The following PBRM1 variants were observed in gnomAD, a reference collection of about 807,000 sequenced individuals.
PBRM1 encodes the protein polybromo 1.
In PBRM1, 27 loss-of-function variants were observed where a neutral mutation model predicts 194.5. That is an observed-to-expected ratio of 0.14 (90% CI 0.10 to 0.19). The LOEUF (loss-of-function observed/expected upper bound fraction) is 0.19. Among genes scored for constraint, PBRM1 ranks in the 10% least tolerant of loss-of-function variants. PBRM1 has a pLI of 1.00. For synonymous variants in PBRM1, 655 were observed against 693.2 expected (o/e 0.94, Z 0.87); for missense variants, 1,466 against 2,077.2 (o/e 0.71, Z 5.72).
intron 25 of PBRM1, chr3:52,560,429 C>T (rs1475602268): frequency 6.6e-6 from 1 of 152,168 alleles, no homozygotes; most frequent in African/African-American, 2.4e-5. Context: ...TAGGGTTTTC[C>T]AAAGAATATT....
intron 16 of PBRM1, chr3:52,608,939 T>G (rs1173846398): frequency 5.3e-6 from 1 of 188,624 alleles, no homozygotes; most frequent in Non-Finnish European, 1.1e-5. Context: ...TAGAGCTATT[T>G]TATTTAAAGC....
rs1392544639 is a variant in PBRM1, at chr3:52,674,649, T to A, written c.236+3851A>T. Among the ~76,000 whole-genome samples, 959 of 134,910 alleles carry A rather than the reference T, an allele frequency of 7.1e-3. 13 individuals are homozygous for A. Among genetic ancestry groups the A allele is most frequent in the African/African-American group, 0.028 (923 of 32,790 alleles). 88.5% of individuals were successfully genotyped at this position (134,910 alleles called of 152,430 possible). Reference sequence around the variant, plus strand: ...TACCAAAAAAAAAAAAAAAAATATATATATATATATATATATACACACACA... The same window carrying A: ...TACCAAAAAAAAAAAAAAAAATATAAATATATATATATATATACACACACA... On this transcript the variant is annotated intron_variant, in intron 2 of 29. Coordinates refer to ENST00000296302, the Ensembl canonical transcript of PBRM1.
chr3:52,550,410 A>C lies in PBRM1; in HGVS notation c.4897+11T>G, dbSNP rs1183217331. ...TGTATTTCACAAAGGCTTATTTAGA[A>C]GGAATCTTACCTGCCAGTGTCTGAT... On this transcript the variant is annotated intron_variant, in intron 29 of 29. Transcript: ENST00000296302. The C allele has an allele frequency of 7.4e-7, 1 of 1,353,318 alleles. No homozygotes were observed. Among genetic ancestry groups the C allele is most frequent in the Non-Finnish European group, 9.7e-7 (1 of 1,035,800 alleles). 83.8% of individuals were successfully genotyped at this position (1,353,318 alleles called of 1,614,324 possible).
intron 4 of PBRM1, among the ~76,000 whole-genome samples, chr3:52,660,474 A>G (rs545475219): frequency 6.6e-6 from 1 of 152,008 alleles, no homozygotes; most frequent in African/African-American, 2.4e-5. Flanking sequence ...AACTACATGT[A>G]TATGTGTGTA....
At chr3:52,632,690 T>C (rs1194871507) in intron 11 of PBRM1, among the ~76,000 whole-genome samples, 1 of 151,388 alleles carries the variant, frequency 6.6e-6, no homozygotes, top group Non-Finnish European at 1.5e-5. Flanking sequence ...CTTGACCTTT[T>C]TTTTTTTTTT....
chr3:52,606,775 G>A (rs1288443292), intron 16 of PBRM1, among the ~76,000 whole-genome samples: 1 of 152,140 alleles, frequency 6.6e-6, no homozygotes, highest in Non-Finnish European at 1.5e-5. Context: ...CTTCCCACAG[G>A]TCTCTTTTAC....
intron 5 of PBRM1, among the ~76,000 whole-genome samples, chr3:52,653,669 C>T (rs531006242): frequency 6.6e-6 from 1 of 151,352 alleles, no homozygotes; most frequent in South Asian, 2.1e-4. Flanking sequence ...CCCTGCACTT[C>T]GGGAGGCCGA....
rs2084121803 is a variant in PBRM1, at chr3:52,563,204, T to A, written c.4086+79A>T. The A allele has an allele frequency of 6.8e-5, 67 of 991,668 alleles. 1 individual carries two copies. In the South Asian group the frequency reaches 1.0e-3, roughly 15 times the overall value. 61.4% of individuals were successfully genotyped at this position (991,668 alleles called of 1,614,324 possible). A position where few individuals can be genotyped will look rare whatever the true frequency, so the allele number is the denominator to read the frequency against. On this transcript the variant is annotated intron_variant, in intron 24 of 29. Coordinates refer to ENST00000296302, the Ensembl canonical transcript of PBRM1. ...AAAGCTCACATATGGAGGGGCTGGATGTCACTTTACTTTGGTTTTGAGTCT... is the reference window on the plus strand; with the variant it reads ...AAAGCTCACATATGGAGGGGCTGGAAGTCACTTTACTTTGGTTTTGAGTCT...
At chr3:52,570,829 T>TTG (rs528864277) in intron 22 of PBRM1, among the ~76,000 whole-genome samples, 4 of 152,092 alleles carry the variant, frequency 2.6e-5, no homozygotes, top group Non-Finnish European at 4.4e-5. Context: ...TTTCTTATAG[T>TTG]TGTGTGTGTG....
intron 23 of PBRM1, 46 bp downstream of exon 25, chr3:52,564,004 C>T (rs1004790952): frequency 2.4e-6 from 3 of 1,257,420 alleles, no homozygotes; most frequent in Non-Finnish European, 3.4e-6. Context: ...ATGTTGCTAT[C>T]AGTTAATGGA....
At chr3:52,635,363 C>G (rs562504037) in intron 10 of PBRM1, among the ~76,000 whole-genome samples, 1 of 152,076 alleles carries the variant, frequency 6.6e-6, no homozygotes, top group African/African-American at 2.4e-5. Flanking sequence ...GTCAGGAGTT[C>G]GAGACCAGCG....
At chr3:52,618,366 G>A (rs1332178402) in intron 13 of PBRM1, among the ~76,000 whole-genome samples, 1 of 152,186 alleles carries the variant, frequency 6.6e-6, no homozygotes, top group Non-Finnish European at 1.5e-5. Flanking sequence ...TCTCTTAATT[G>A]CTGAGAAAAC....
chr3:52,558,376 C>T, exon 26 of PBRM1: 2 of 1,549,358 alleles, frequency 1.3e-6, no homozygotes, highest in Middle Eastern at 1.7e-4. Context: ...GTGCTGCTCG[C>T]TCTCTCTCCT....
rs58430288 is a variant in PBRM1, at chr3:52,571,856, C to CAAAAAAA, written c.3691+4678_3691+4684dup. On this transcript the variant is annotated intron_variant, in intron 22 of 29. Coordinates refer to ENST00000296302, the Ensembl canonical transcript of PBRM1. The stretch of plus-strand genomic sequence containing the variant: ...GAGCAAGAGGGATACCTCATCTCCC[C>CAAAAAAA]AAAAAAAAAAAAAAAAAAAAAAAAA... Among the ~76,000 whole-genome samples, 44 of 37,090 alleles carry CAAAAAAA rather than the reference C, an allele frequency of 1.2e-3. 18 individuals carry two copies. The highest frequency in any genetic ancestry group is 4.1e-3 in the African/African-American group (36 of 8,722). The allele number at this position is 37,090 out of a possible 152,430, so 24.3% of individuals were successfully genotyped here.
downstream of PBRM1, chr3:52,546,642 C>A: frequency 4.3e-6 from 1 of 232,090 alleles, no homozygotes; most frequent in African/African-American, 2.2e-5. Flanking sequence ...GGAAGCTCTA[C>A]CACAATGGCA....
intron 22 of PBRM1, among the ~76,000 whole-genome samples, chr3:52,570,149 G>C (rs1023662656): frequency 2.0e-5 from 3 of 152,100 alleles, no homozygotes. Context: ...GCTAATTTTT[G>C]TATTTTTAGT....
In PBRM1 at chr3:52,668,660, A is replaced by AT. The variant is rs1369258522; in HGVS notation, c.237-16dup. ...CTGGTTGATTTCTGTTATAATTTAA[A>AT]TTTTTTTAAAGGAGATTAATCTGAA... On this transcript the variant is annotated splice_polypyrimidine_tract_variant and intron_variant, in intron 2 of 29. Transcript: ENST00000296302. The AT allele has an allele frequency of 1.3e-6, 2 of 1,498,232 alleles. No individual in the cohort carries two copies. The highest frequency in any genetic ancestry group is 1.8e-6 in the Non-Finnish European group (2 of 1,114,738). 92.8% of individuals were successfully genotyped at this position (1,498,232 alleles called of 1,614,324 possible). A position where few individuals can be genotyped will look rare whatever the true frequency, so the allele number is the denominator to read the frequency against.
chr3:52,585,704 T>C (rs2092269753), intron 20 of PBRM1: 1 of 151,992 alleles, frequency 6.6e-6, no homozygotes, highest in Admixed American at 6.6e-5. Context: ...TTTGTATTTT[T>C]AGTAGAGACA....
At chr3:52,646,883 T>C (rs945130006) in intron 7 of PBRM1, among the ~76,000 whole-genome samples, 6 of 152,120 alleles carry the variant, frequency 3.9e-5, no homozygotes, top group Middle Eastern at 3.2e-3. Context: ...ACTTAAGCAT[T>C]AGCAACCAAA....
Sources: gnomAD v4.1 joint callset for allele counts (sites outside exome capture counted in the v4.1 genomes callset) on GRCh38, gnomAD v4.1.1 for gene constraint, MANE v1.5 for transcripts, NCBI Gene and HGNC (gene_info 2026-07-23, HGNC 2026-07-21) for gene names.